The following SHPRH variants were observed in gnomAD, a reference collection of about 807,000 sequenced individuals.
SHPRH encodes the protein SNF2 histone linker PHD RING helicase, also known as E3 ubiquitin-protein ligase SHPRH.
In SHPRH, 106 loss-of-function variants were observed where a neutral mutation model predicts 202.5. The ratio of observed to expected loss-of-function variants is 0.52; its 90% CI spans 0.45 to 0.62. SHPRH has a LOEUF of 0.62. Ranked by LOEUF, SHPRH falls within the 20% of genes least tolerant of loss-of-function variation. The pLI, the probability that SHPRH is intolerant of heterozygous loss-of-function variation, is 0.00. For missense variants in SHPRH, 1,710 were observed against 2,020.0 expected, an observed-to-expected ratio of 0.85 and a Z score of 2.94; for synonymous variants, 729 against 686.0, an observed-to-expected ratio of 1.06 and a Z score of -0.98.
intron 1 of SHPRH, among the ~76,000 whole-genome samples, chr6:145,956,943 T>C (rs550578751): frequency 1.2e-3 from 186 of 152,222 alleles, no homozygotes; most frequent in African/African-American, 4.3e-3. Context: ...GGAAAGTCAA[T>C]ATAATTTTAG....
rs764449193 is a variant in SHPRH at position 145,952,367 on chromosome 6, G to A, written c.745C>T (p.His249Tyr). 38 of 1,601,542 alleles carry A rather than the reference G, an allele frequency of 2.4e-5. No homozygotes were observed. The highest frequency in any genetic ancestry group is 3.2e-5 in the Non-Finnish European group (38 of 1,174,182). The change falls in exon 3 of 30, where the codon CAC becomes TAC. Residue 249 changes from histidine to tyrosine, a missense_variant. Coordinates refer to ENST00000275233, the MANE Select transcript of SHPRH (RefSeq NM_001042683.3). ...QLMKKVMEKL[H>Y]NSIIPDVLEE... is the part of the protein sequence containing the mutation. ...ATATTACCTGGAATAATAGAATTGT[G>A]TAACTTTTCCATTACTTTCTTCATG... is the stretch of plus-strand genomic sequence containing the variant.
intron 15 of SHPRH, 63 bp from the exon 16 acceptor site, chr6:145,926,359 ATAT>A (rs1784879280): frequency 2.2e-6 from 3 of 1,340,384 alleles, no homozygotes; most frequent in Non-Finnish European, 3.2e-6. Context: ...AGAGAACCTA[ATAT>A]TAATATGGCA....
Position 145,954,861 on chromosome 6 carries a change from A to G in SHPRH, c.462T>C (p.His154=), listed in dbSNP as rs1258320347. 1.2e-6 allele frequency: 2 copies of G among 1,613,634 alleles called. No homozygotes were observed. The highest frequency in any genetic ancestry group is 1.1e-5 in the South Asian group (1 of 91,034). Residue 154 remains histidine, a synonymous_variant, in exon 2 of 30, where the codon CAT becomes CAC. Transcript: ENST00000275233. ...ESSNQFLIYV[H]SKGEDVEKQK... is the part of the protein sequence containing the mutation. The stretch of plus-strand genomic sequence containing the variant: ...GTTTCTCTACATCTTCACCTTTTGA[A>G]TGAACATAAATCAGGAACTGATTGC...
At chr6:145,929,063 T>C (rs1361579887) in intron 14 of SHPRH, among the ~76,000 whole-genome samples, 1 of 151,930 alleles carries the variant, frequency 6.6e-6, no homozygotes, top group Non-Finnish European at 1.5e-5. Flanking sequence ...TTAAAGAAGG[T>C]ATAGTGATTA....
At chr6:145,939,868 C>T (rs924779448) in intron 11 of SHPRH, among the ~76,000 whole-genome samples, 1 of 151,980 alleles carries the variant, frequency 6.6e-6, no homozygotes, top group African/African-American at 2.4e-5. Context: ...TTTGTTTTAG[C>T]AGAGTGAGTT....
At chr6:145,919,517 A>T (rs1784244700) in intron 21 of SHPRH, 26 bp from the exon 22 acceptor site, 2 of 1,609,192 alleles carry the variant, frequency 1.2e-6, no homozygotes, top group African/African-American at 2.7e-5. Context: ...AGACAAACAC[A>T]GTGGTAAAGC....
At chr6:145,913,199 A>G (rs1042444635) in intron 24 of SHPRH, among the ~76,000 whole-genome samples, 14 of 152,144 alleles carry the variant, frequency 9.2e-5, no homozygotes, top group Non-Finnish European at 7.4e-5. Flanking sequence ...TACTGGACAC[A>G]ACCTTGTGAC....
chr6:145,948,771 C>T (rs956597857), intron 4 of SHPRH, among the ~76,000 whole-genome samples: 2 of 151,916 alleles, frequency 1.3e-5, no homozygotes, highest in African/African-American at 4.8e-5. Flanking sequence ...TACATTTACC[C>T]GAATCAGACC....
Position 145,926,206 on chromosome 6 carries a change from C to A in SHPRH, c.3292G>T (p.Glu1098Ter). ...GACAGAATGAAAAAAATAATTACCTCTTCCTCAAGTCGGCCATCACGCAAG... is the reference window on the plus strand; with the variant it reads ...GACAGAATGAAAAAAATAATTACCTATTCCTCAAGTCGGCCATCACGCAAG... Reference protein sequence around the residue: ...PTLRDGRLEEEAKQLREHYMS... With the variant: ...PTLRDGRLEE The change falls in exon 16 of 30, where the codon GAG becomes TAG. Residue 1098 changes from glutamate (E) to a stop codon, truncating the protein, a stop_gained and splice_region_variant. Coordinates refer to ENST00000275233, the MANE Select transcript of SHPRH (RefSeq NM_001042683.3). LOFTEE classifies it high-confidence loss of function. 1 of 1,612,500 alleles carries A rather than the reference C, an allele frequency of 6.2e-7. No homozygotes were observed. Among genetic ancestry groups the A allele is most frequent in the Non-Finnish European group, 8.5e-7 (1 of 1,178,972 alleles).
chr6:145,959,401 A>G (rs1003627634), intron 1 of SHPRH, among the ~76,000 whole-genome samples: 1 of 152,202 alleles, frequency 6.6e-6, no homozygotes, highest in African/African-American at 2.4e-5. Context: ...TGCCTACAGT[A>G]TCCAGTACCG....
At chr6:145,872,272 G>A (rs1271988197) in intron 2 of SHPRH, among the ~76,000 whole-genome samples, 3 of 152,166 alleles carry the variant, frequency 2.0e-5, no homozygotes, top group African/African-American at 7.2e-5. Context: ...TACAGAACGG[G>A]CGAAAATTGT....
chr6:145,927,619 G>C lies in SHPRH; in HGVS notation c.3113-342C>G, dbSNP rs1236885348. On this transcript the variant is annotated intron_variant, in intron 14 of 29. Transcript: ENST00000275233. ...GACAAAAAAATTTCCTCTTGCTGAA[G>C]TTAAAAGGTGGCAATCAGTAGTCAT... is the stretch of plus-strand genomic sequence containing the variant. 4.0e-5 allele frequency among the ~76,000 whole-genome samples: 6 copies of C among 151,792 alleles called. No individual in the cohort carries two copies. In the Middle Eastern group the frequency reaches 0.014, roughly 344 times the overall value.
intron 2 of SHPRH, among the ~76,000 whole-genome samples, chr6:145,872,053 G>C (rs1384227824): frequency 6.6e-6 from 1 of 152,096 alleles, no homozygotes; most frequent in Non-Finnish European, 1.5e-5. Flanking sequence ...ACTCAAGATG[G>C]ATTAAAGACT....
intron 10 of SHPRH, 79 bp downstream of exon 10, chr6:145,941,544 C>G (rs1352951686): frequency 1.3e-6 from 2 of 1,566,306 alleles, no homozygotes; most frequent in Non-Finnish European, 1.7e-6. Context: ...TATGCTTAAA[C>G]TATTAAACTA....
intron 5 of SHPRH, 69 bp downstream of exon 5, chr6:145,948,203 A>T: frequency 1.6e-6 from 2 of 1,213,886 alleles, no homozygotes; most frequent in Non-Finnish European, 2.3e-6. Context: ...CAGATATGCT[A>T]ACAATCTCAG....
At chr6:145,913,867 A>C (rs1783712160) in intron 23 of SHPRH, among the ~76,000 whole-genome samples, 1 of 152,158 alleles carries the variant, frequency 6.6e-6, no homozygotes, top group South Asian at 2.1e-4. Context: ...CAATCAAGGT[A>C]AATGTTCACT....
chr6:145,864,607 T>TC (rs1404338245), intron 2 of SHPRH: 1 of 163,224 alleles, frequency 6.1e-6, no homozygotes, highest in East Asian at 1.9e-4. Flanking sequence ...GAAAGAAATT[T>TC]TTTTTTTTTT....
chr6:145,932,359 T>G (rs1197418061), intron 14 of SHPRH, among the ~76,000 whole-genome samples: 1 of 152,196 alleles, frequency 6.6e-6, no homozygotes, highest in Non-Finnish European at 1.5e-5. Flanking sequence ...AATGACAGTT[T>G]GTAAGATATT....
At chr6:145,879,330 C>T (rs1035790606) in intron 2 of SHPRH, among the ~76,000 whole-genome samples, 1 of 152,120 alleles carries the variant, frequency 6.6e-6, no homozygotes, top group Non-Finnish European at 1.5e-5. Flanking sequence ...TAACACCCCC[C>T]ATTCCTCCTT....
Sources: gnomAD v4.1 joint callset for allele counts (sites outside exome capture counted in the v4.1 genomes callset) on GRCh38, gnomAD v4.1.1 for gene constraint, MANE v1.5 for transcripts, NCBI Gene and HGNC (gene_info 2026-07-23, HGNC 2026-07-21) for gene names.